The following PLXDC2 variants were observed in gnomAD, a reference collection of about 807,000 sequenced individuals.
PLXDC2 encodes the protein plexin domain-containing protein 2.
In PLXDC2, 40 loss-of-function variants were observed where a neutral mutation model predicts 68.9. The ratio of observed to expected loss-of-function variants is 0.58; its 90% CI spans 0.45 to 0.76. PLXDC2 has a LOEUF of 0.76. PLXDC2 is among the 30% of genes least tolerant of loss of function. The pLI is 0.00. For missense variants in PLXDC2, 644 were observed against 661.9 expected, an observed-to-expected ratio of 0.97 and a Z score of 0.30; for synonymous variants, 243 against 234.2, an observed-to-expected ratio of 1.04 and a Z score of -0.34.
chr10:19,907,154 G>A (rs1479131403), intron 1 of PLXDC2, among the ~76,000 whole-genome samples: 7 of 152,126 alleles, frequency 4.6e-5, no homozygotes, highest in Admixed American at 4.6e-4. Context: ...TTTTCAGGAA[G>A]TAGAATTTTA....
Position 20,044,126 on chromosome 10 carries a change from C to CCTTCCTT in PLXDC2, c.325-2742_325-2741insTTCCTTC, listed in dbSNP as rs1564293709. ...TTCCTTCCTTCCTTCCTTCCTTCCT[C>CCTTCCTT]CCTCCCTCCCTCTCTCTCTTTTTCC... is the stretch of plus-strand genomic sequence containing the variant. On this transcript the variant is annotated intron_variant, in intron 2 of 13. Transcript: ENST00000377252. 1.9e-3 allele frequency among the ~76,000 whole-genome samples: 28 copies of CCTTCCTT among 15,062 alleles called. 2 individuals carry two copies. Among genetic ancestry groups the CCTTCCTT allele is most frequent in the African/African-American group, 3.7e-3 (15 of 4,046 alleles). The allele number at this position is 15,062 out of a possible 152,430, so 9.9% of individuals were successfully genotyped here.
At chr10:19,960,146 C>T (rs1271550290) in intron 1 of PLXDC2, among the ~76,000 whole-genome samples, 1 of 144,116 alleles carries the variant, frequency 6.9e-6, no homozygotes, top group African/African-American at 2.6e-5. Flanking sequence ...TTGCTTGAGC[C>T]TCAAAGTTTG....
intron 3 of PLXDC2, among the ~76,000 whole-genome samples, chr10:20,059,309 CAT>C (rs1326564585): frequency 7.0e-6 from 1 of 142,902 alleles, no homozygotes; most frequent in Non-Finnish European, 1.5e-5. Context: ...GTAAATATCA[CAT>C]AACTAATATG....
chr10:19,836,033 A>G (rs1341853575), intron 1 of PLXDC2, among the ~76,000 whole-genome samples: 1 of 151,830 alleles, frequency 6.6e-6, no homozygotes, highest in East Asian at 1.9e-4. Context: ...AAAAATTAGC[A>G]GGATGTGGTG....
chr10:20,240,711 CAAA>C (rs202138349), intron 12 of PLXDC2, among the ~76,000 whole-genome samples: 12 of 100,008 alleles, frequency 1.2e-4, no homozygotes, highest in Middle Eastern at 7.4e-3. Context: ...TTGCAGTAGC[CAAA>C]AAAAAAAAAA....
chr10:20,230,705 A>AAAAAAAAAAAAAC (rs1835351495), intron 12 of PLXDC2, among the ~76,000 whole-genome samples: 3 of 149,588 alleles, frequency 2.0e-5, no homozygotes, highest in Admixed American at 1.3e-4. Flanking sequence ...AAAAAAAAAA[A>AAAAAAAAAAAAAC]AAAAAAAAAC....
At chr10:20,059,918 C>G (rs559062769) in intron 3 of PLXDC2, among the ~76,000 whole-genome samples, 1 of 152,320 alleles carries the variant, frequency 6.6e-6, no homozygotes, top group African/African-American at 2.4e-5. Flanking sequence ...TCTCAATGCT[C>G]TTATTCACAT....
intron 1 of PLXDC2, among the ~76,000 whole-genome samples, chr10:19,856,599 A>C (rs1264684658): frequency 1.3e-5 from 2 of 152,200 alleles, no homozygotes; most frequent in African/African-American, 4.8e-5. Context: ...GGCTTTGTTC[A>C]GAGTTTTGAT....
At chr10:19,950,096 G>C (rs1833967886) in intron 1 of PLXDC2, among the ~76,000 whole-genome samples, 1 of 152,094 alleles carries the variant, frequency 6.6e-6, no homozygotes, top group Non-Finnish European at 1.5e-5. Flanking sequence ...TTCCCCTTGA[G>C]AACTGGAACA....
chr10:20,205,750 C>G (rs1364081794), intron 9 of PLXDC2, among the ~76,000 whole-genome samples: 1 of 152,024 alleles, frequency 6.6e-6, no homozygotes, highest in Non-Finnish European at 1.5e-5. Context: ...TTAATCTTTA[C>G]TAGACAAATA....
intron 1 of PLXDC2, among the ~76,000 whole-genome samples, chr10:19,916,456 G>A (rs570894692): frequency 6.6e-6 from 1 of 151,384 alleles, no homozygotes; most frequent in South Asian, 2.1e-4. Flanking sequence ...ACCTGGAAGG[G>A]GACTTTTTTT....
chr10:19,822,460 T>C (rs565910779), intron 1 of PLXDC2, among the ~76,000 whole-genome samples: 1 of 152,144 alleles, frequency 6.6e-6, no homozygotes, highest in South Asian at 2.1e-4. Context: ...TCTTAAAGGC[T>C]CTGGTTTTAT....
chr10:19,996,391 G>A (rs932566574), intron 1 of PLXDC2, among the ~76,000 whole-genome samples: 2 of 152,186 alleles, frequency 1.3e-5, no homozygotes, highest in Non-Finnish European at 2.9e-5. Flanking sequence ...AGGCCAGCCT[G>A]GGCTACAAAG....
chr10:20,194,405 T>C (rs947127931), intron 9 of PLXDC2, among the ~76,000 whole-genome samples: 6 of 151,992 alleles, frequency 3.9e-5, no homozygotes, highest in Non-Finnish European at 4.4e-5. Flanking sequence ...GAACTCTAAA[T>C]ATGAAGGGAA....
At chr10:20,025,926 A>T (rs758450062) in intron 2 of PLXDC2, among the ~76,000 whole-genome samples, 12 of 145,920 alleles carry the variant, frequency 8.2e-5, no homozygotes, top group Non-Finnish European at 1.6e-4. Context: ...TGACAATTCT[A>T]AGCAATTTGT....
chr10:19,855,236 T>TTGC (rs1419159477), intron 1 of PLXDC2, among the ~76,000 whole-genome samples: 1 of 151,964 alleles, frequency 6.6e-6, no homozygotes, highest in African/African-American at 2.4e-5. Flanking sequence ...TTTGTTGTTG[T>TTGC]TGTTGTTGTT....
intron 9 of PLXDC2, among the ~76,000 whole-genome samples, chr10:20,197,803 G>A (rs1398961301): frequency 6.6e-6 from 1 of 152,018 alleles, no homozygotes; most frequent in Non-Finnish European, 1.5e-5. Flanking sequence ...GGATTCTATG[G>A]TGTTTCTAAA....
intron 1 of PLXDC2, among the ~76,000 whole-genome samples, chr10:19,993,045 C>T (rs765240817): frequency 1.3e-4 from 20 of 152,146 alleles, no homozygotes; most frequent in Non-Finnish European, 2.8e-4. Context: ...TCACATACGT[C>T]AATTCCCTCA....
chr10:19,896,045 A>G (rs1838052498), intron 1 of PLXDC2, among the ~76,000 whole-genome samples: 1 of 152,276 alleles, frequency 6.6e-6, no homozygotes, highest in South Asian at 2.1e-4. Context: ...GCAGTCTTTC[A>G]CTTTCCTTCA....
Sources: allele counts gnomAD v4.1 joint callset (sites outside exome capture counted in the v4.1 genomes callset), GRCh38; gene constraint gnomAD v4.1.1; transcripts MANE v1.5; gene names NCBI Gene and HGNC (gene_info 2026-07-23, HGNC 2026-07-21).